CAST: variants seen among roughly 807,000 people sequenced by gnomAD.
The protein encoded by CAST is calpastatin.
Under a neutral mutation model 119.6 loss-of-function variants are expected in CAST, and 76 were observed. The ratio of observed to expected loss-of-function variants is 0.64; its 90% CI spans 0.53 to 0.77. The LOEUF is 0.77. Among genes scored for constraint, CAST ranks in the 30% least tolerant of loss-of-function variants. CAST has a pLI of 0.00. For synonymous variants in CAST, 319 were observed against 331.6 expected (o/e 0.96, Z 0.41); for missense variants, 953 against 946.5 (o/e 1.01, Z -0.09).
At chr5:96,693,439 T>C (rs1345991870) in intron 2 of CAST, among the ~76,000 whole-genome samples, 2 of 152,342 alleles carry the variant, frequency 1.3e-5, no homozygotes, top group African/African-American at 4.8e-5. Context: ...TTATAGACTT[T>C]AAGTATGTGG....
the CAST span, among the ~76,000 whole-genome samples, chr5:96,410,374 C>T: frequency 6.6e-6 from 1 of 151,978 alleles, no homozygotes; most frequent in East Asian, 1.9e-4. Context: ...TGCGACAGGG[C>T]AGGTCAGACT....
the CAST span, among the ~76,000 whole-genome samples, chr5:96,007,622 G>GTGCGGCACTGAAGAAA: frequency 7.4e-5 from 1 of 13,568 alleles, no homozygotes; most frequent in Non-Finnish European, 1.1e-4. Context: ...AGAGGAAGAT[G>GTGCGGCACTGAAGAAA]GGGCCGGGCG....
At chr5:96,708,643 A>G (rs1307671166) in intron 3 of CAST, among the ~76,000 whole-genome samples, 4 of 152,108 alleles carry the variant, frequency 2.6e-5, no homozygotes, top group Non-Finnish European at 4.4e-5. Flanking sequence ...GTTGAGAGCC[A>G]CCATGCCTGG....
chr5:96,573,064 A>G (rs1433556731), intron 1 of CAST, among the ~76,000 whole-genome samples: 1 of 152,238 alleles, frequency 6.6e-6, no homozygotes, highest in Non-Finnish European at 1.5e-5. Flanking sequence ...CTGAAGGACA[A>G]GAAGGAGCAA....
At chr5:96,758,874 G>A (rs550378489) in intron 24 of CAST, among the ~76,000 whole-genome samples, 132 of 152,246 alleles carry the variant, frequency 8.7e-4, no homozygotes, top group African/African-American at 2.8e-3. Context: ...TGAGGAGTAC[G>A]CCAGGAATGT....
rs1760356376 is a variant in CAST at position 96,730,972 on chromosome 5, A to G, written c.630+112A>G. On this transcript the variant is annotated intron_variant, in intron 9 of 31. Coordinates refer to ENST00000675179, the MANE Select transcript of CAST (RefSeq NM_001750.7). ...TCTGGCAAAACTGAACACTGCTTAT[A>G]TGTAAAATTTTGTGAAGAGCATGCA... 1.0e-5 allele frequency: 8 copies of G among 766,710 alleles called. No homozygotes were observed. The Admixed American group carries it at 1.6e-4, about 15-fold the overall frequency. 47.5% of individuals were successfully genotyped at this position (766,710 alleles called of 1,614,324 possible). A position where few individuals can be genotyped will look rare whatever the true frequency, so the allele number is the denominator to read the frequency against.
chr5:96,075,942 A>G, the CAST span, among the ~76,000 whole-genome samples: 1 of 152,162 alleles, frequency 6.6e-6, no homozygotes, highest in Non-Finnish European at 1.5e-5. Flanking sequence ...GGCTAAGGGG[A>G]ACTGGAACTT....
At chr5:96,584,235 C>T (rs1297779474) in intron 1 of CAST, among the ~76,000 whole-genome samples, 1 of 152,164 alleles carries the variant, frequency 6.6e-6, no homozygotes, top group Admixed American at 6.5e-5. Flanking sequence ...TGCACTGTTC[C>T]CAATAGGGCT....
intron 10 of CAST, 121 bp from the exon 11 acceptor site, chr5:96,737,728 C>G (rs1031348563): frequency 3.4e-6 from 2 of 579,836 alleles, no homozygotes; most frequent in African/African-American, 3.8e-5. Flanking sequence ...TTTTGGGGAA[C>G]TATTTGAAGA....
At chr5:96,182,248 G>A in the CAST span, among the ~76,000 whole-genome samples, 12 of 152,142 alleles carry the variant, frequency 7.9e-5, no homozygotes, top group African/African-American at 2.9e-4. Context: ...TAGTTAACCC[G>A]TTTGATGTCT....
intron 1 of CAST, among the ~76,000 whole-genome samples, chr5:96,607,070 C>G (rs1266227528): frequency 6.6e-6 from 1 of 152,110 alleles, no homozygotes; most frequent in East Asian, 1.9e-4. Flanking sequence ...GGGCGGATCA[C>G]GAGGTCAGGA....
the CAST span, among the ~76,000 whole-genome samples, chr5:96,021,608 G>T: frequency 6.6e-6 from 1 of 152,058 alleles, no homozygotes; most frequent in Non-Finnish European, 1.5e-5. Context: ...ACCACGCCCA[G>T]CTAATTTTTT....
intron 1 of CAST, among the ~76,000 whole-genome samples, chr5:96,544,568 T>G (rs1745970698): frequency 6.6e-6 from 1 of 151,628 alleles, no homozygotes; most frequent in Non-Finnish European, 1.5e-5. Flanking sequence ...GGGATTAGAT[T>G]AGTTGTAAAT....
the CAST span, among the ~76,000 whole-genome samples, chr5:96,327,262 G>A: frequency 2.0e-5 from 3 of 152,254 alleles, no homozygotes; most frequent in East Asian, 1.9e-4. Context: ...TTCGCATATA[G>A]TGACTTCTCA....
intron 1 of CAST, among the ~76,000 whole-genome samples, chr5:96,638,700 C>T (rs1747913427): frequency 6.6e-6 from 1 of 152,200 alleles, no homozygotes; most frequent in Admixed American, 6.5e-5. Context: ...CAAAGTCCCT[C>T]TCAGCCAACA....
At chr5:96,507,337 T>A in the CAST span, among the ~76,000 whole-genome samples, 4 of 152,192 alleles carry the variant, frequency 2.6e-5, no homozygotes, top group Admixed American at 6.5e-5. Context: ...CAAATCTGTG[T>A]AATAAGTCAT....
At chr5:96,406,494 A>G in the CAST span, among the ~76,000 whole-genome samples, 7 of 152,192 alleles carry the variant, frequency 4.6e-5, 1 homozygote, top group East Asian at 1.3e-3. Context: ...AGCCCCTCCA[A>G]GTAGGTGGAC....
At chr5:96,577,450 T>C (rs1746692376) in intron 1 of CAST, among the ~76,000 whole-genome samples, 1 of 152,096 alleles carries the variant, frequency 6.6e-6, no homozygotes, top group Admixed American at 6.5e-5. Flanking sequence ...CTTACTTTTC[T>C]AGTTTCTTGA....
chr5:96,178,139 T>G, the CAST span, among the ~76,000 whole-genome samples: 1 of 152,190 alleles, frequency 6.6e-6, no homozygotes, highest in Non-Finnish European at 1.5e-5. Context: ...AAACCATAGA[T>G]TCAATATCCA....
Sources: allele counts gnomAD v4.1 joint callset (sites outside exome capture counted in the v4.1 genomes callset), GRCh38; gene constraint gnomAD v4.1.1; transcripts MANE v1.5; gene names NCBI Gene and HGNC (gene_info 2026-07-23, HGNC 2026-07-21).